The following DLG2 variants were observed in gnomAD, a reference collection of about 807,000 sequenced individuals.
The protein encoded by DLG2 is discs large MAGUK scaffold protein 2.
Under a neutral mutation model 132.5 loss-of-function variants are expected in DLG2, and 45 were observed. The observed-to-expected ratio is 0.34, with a 90% CI of 0.27 to 0.44. The LOEUF (loss-of-function observed/expected upper bound fraction) is 0.44. Among genes scored for constraint, DLG2 ranks in the 20% least tolerant of loss-of-function variants. The pLI, the probability that DLG2 is intolerant of heterozygous loss-of-function variation, is 1.00. For missense variants in DLG2, 1,045 were observed against 1,196.9 expected (o/e 0.87, Z 1.87); for synonymous variants, 424 against 419.6 (o/e 1.01, Z -0.13).
At chr11:84,825,266 T>G (rs2078195548) in intron 6 of DLG2, among the ~76,000 whole-genome samples, 1 of 151,830 alleles carries the variant, frequency 6.6e-6, no homozygotes. Context: ...CATCTTACTG[T>G]ATTTGTATTG....
In DLG2 at chr11:85,320,982, G is replaced by T. The variant is rs1012135490; in HGVS notation, c.41-35617C>A. 1.3e-5 allele frequency among the ~76,000 whole-genome samples: 2 copies of T among 151,512 alleles called. 1 individual carries two copies. The highest frequency in any genetic ancestry group is 4.2e-4 in the South Asian group (2 of 4,802). On this transcript the variant is annotated intron_variant, in intron 3 of 27. Coordinates refer to ENST00000376104, the MANE Select transcript of DLG2 (RefSeq NM_001142699.3). ...TATGATCTAACTTCCATTTTAAAGT[G>T]TCCCTCCTTAGTCTCATGTATGGTC...
At chr11:84,098,563 T>C (rs2092073761) in intron 10 of DLG2, among the ~76,000 whole-genome samples, 1 of 152,210 alleles carries the variant, frequency 6.6e-6, no homozygotes, top group Non-Finnish European at 1.5e-5. Context: ...AACGTTGCTT[T>C]ACTTGCTAAT....
intron 7 of DLG2, among the ~76,000 whole-genome samples, chr11:84,369,544 C>T (rs557914766): frequency 2.2e-4 from 33 of 151,998 alleles, no homozygotes; most frequent in African/African-American, 6.5e-4. Context: ...GGAGATGGGG[C>T]GGGCAGACAT....
chr11:84,014,529 TC>T (rs2095065082), intron 11 of DLG2, among the ~76,000 whole-genome samples: 1 of 152,192 alleles, frequency 6.6e-6, no homozygotes, highest in South Asian at 2.1e-4. Context: ...CTAGTCTTGT[TC>T]CTATTACACA....
intron 7 of DLG2, among the ~76,000 whole-genome samples, chr11:84,361,391 C>T (rs2098648961): frequency 6.6e-6 from 1 of 151,894 alleles, no homozygotes; most frequent in Non-Finnish European, 1.5e-5. Flanking sequence ...AACCCCTCCT[C>T]ATAAATAACT....
rs541674721 is a variant in DLG2 at position 83,780,897 on chromosome 11, C to G, written c.1825+5793G>C. On this transcript the variant is annotated intron_variant, in intron 18 of 27. Transcript: ENST00000376104. ...TCCAGGTAGAGGGAGTCCAACCCAACAGTGACAAGTGACAATTTTTGCAGG... is the reference window on the plus strand; with the variant it reads ...TCCAGGTAGAGGGAGTCCAACCCAAGAGTGACAAGTGACAATTTTTGCAGG... 2.0e-5 allele frequency among the ~76,000 whole-genome samples: 3 copies of G among 152,278 alleles called. No homozygotes were observed. In the South Asian group the frequency reaches 6.2e-4, roughly 32 times the overall value.
chr11:83,854,254 A>C (rs973717073), intron 16 of DLG2, among the ~76,000 whole-genome samples: 1 of 152,174 alleles, frequency 6.6e-6, no homozygotes, highest in African/African-American at 2.4e-5. Context: ...GAGATAGTCC[A>C]TGTAAATGGA....
chr11:83,922,662 G>T (rs559585540), intron 15 of DLG2, among the ~76,000 whole-genome samples: 6 of 152,228 alleles, frequency 3.9e-5, no homozygotes, highest in African/African-American at 1.2e-4. Flanking sequence ...ATTCGTGGCA[G>T]AGTGGATGTG....
intron 3 of DLG2, among the ~76,000 whole-genome samples, chr11:85,526,374 G>A (rs532426586): frequency 6.7e-6 from 1 of 150,154 alleles, no homozygotes; most frequent in South Asian, 2.1e-4. Context: ...ATGCAAGCCA[G>A]AAGACAGTAG....
chr11:83,699,066 C>T (rs1176674422), intron 18 of DLG2, among the ~76,000 whole-genome samples: 2 of 152,088 alleles, frequency 1.3e-5, no homozygotes, highest in Middle Eastern at 3.2e-3. Context: ...GTGATCATGC[C>T]CTAGGTTTCC....
chr11:84,704,400 C>A (rs747759406), intron 6 of DLG2, among the ~76,000 whole-genome samples: 31 of 151,502 alleles, frequency 2.0e-4, no homozygotes, highest in Admixed American at 5.3e-4. Context: ...ACCAGCTTAG[C>A]CCATTTAGCT....
At chr11:84,912,283 G>A (rs902164141) in intron 6 of DLG2, among the ~76,000 whole-genome samples, 5 of 152,158 alleles carry the variant, frequency 3.3e-5, no homozygotes, top group Admixed American at 2.0e-4. Flanking sequence ...AGCCTCCCGA[G>A]TAGGTGAGCC....
intron 19 of DLG2, among the ~76,000 whole-genome samples, chr11:83,606,090 AG>A (rs1004477868): frequency 6.6e-6 from 1 of 152,182 alleles, no homozygotes; most frequent in Non-Finnish European, 1.5e-5. Flanking sequence ...TTTTCAAGAA[AG>A]GGAGGAGCTG....
intron 7 of DLG2, among the ~76,000 whole-genome samples, chr11:84,430,431 C>G (rs1163480742): frequency 7.3e-6 from 1 of 136,894 alleles, no homozygotes; most frequent in East Asian, 2.0e-4. Flanking sequence ...GAGGGAGACT[C>G]CATCTCAAAA....
chr11:84,807,274 C>G (rs568906308), intron 6 of DLG2, among the ~76,000 whole-genome samples: 1 of 152,066 alleles, frequency 6.6e-6, no homozygotes, highest in East Asian at 1.9e-4. Context: ...GGTGAAACCT[C>G]GTCTCTACCA....
At chr11:85,416,140 A>G (rs2089822705) in intron 3 of DLG2, among the ~76,000 whole-genome samples, 2 of 152,180 alleles carry the variant, frequency 1.3e-5, no homozygotes, top group Non-Finnish European at 2.9e-5. Context: ...TCCTTTCCCC[A>G]TTGGTTGCTT....
At chr11:85,021,097 T>C (rs564585616) in intron 6 of DLG2, 3 of 778,816 alleles carry the variant, frequency 3.9e-6, no homozygotes, top group Non-Finnish European at 4.8e-6. Context: ...GTCAACTCCT[T>C]CTTAATTGCC....
intron 16 of DLG2, among the ~76,000 whole-genome samples, chr11:83,865,789 C>A (rs1287138063): frequency 6.6e-6 from 1 of 152,050 alleles, no homozygotes; most frequent in East Asian, 1.9e-4. Context: ...AGTGGAAGAC[C>A]CCATCAGGCA....
At chr11:85,297,821 C>T (rs1236000163) in intron 3 of DLG2, among the ~76,000 whole-genome samples, 2 of 152,120 alleles carry the variant, frequency 1.3e-5, no homozygotes, top group Admixed American at 6.6e-5. Flanking sequence ...CAGACCACAG[C>T]AGAGTTACAG....
Sources: gnomAD v4.1 joint callset for allele counts (sites outside exome capture counted in the v4.1 genomes callset) on GRCh38, gnomAD v4.1.1 for gene constraint, MANE v1.5 for transcripts, NCBI Gene and HGNC (gene_info 2026-07-23, HGNC 2026-07-21) for gene names.